OSBP2: variants seen among roughly 807,000 people sequenced by gnomAD.
OSBP2 encodes the protein oxysterol binding protein 2.
In OSBP2, 66 loss-of-function variants were observed where a neutral mutation model predicts 96.0. The observed-to-expected ratio is 0.69, with a 90% CI of 0.56 to 0.84. OSBP2 has a LOEUF of 0.84. Among genes scored for constraint, OSBP2 ranks in the 40% least tolerant of loss-of-function variants. The pLI, the probability that OSBP2 is intolerant of heterozygous loss-of-function variation, is 0.00. For missense variants in OSBP2, 1,038 were observed against 1,222.7 expected (o/e 0.85, Z 2.25); for synonymous variants, 525 against 520.9 (o/e 1.01, Z -0.11).
chr22:30,733,469 C>T (rs2089809321), intron 1 of OSBP2, among the ~76,000 whole-genome samples: 1 of 152,178 alleles, frequency 6.6e-6, no homozygotes, highest in South Asian at 2.1e-4. Flanking sequence ...CATTGTTTAA[C>T]CTGTGAGTCA....
At chr22:30,704,095 T>C (rs73154618) in intron 1 of OSBP2, among the ~76,000 whole-genome samples, 4,417 of 152,290 alleles carry the variant, frequency 0.029, 94 homozygotes, top group Non-Finnish European at 0.042. Flanking sequence ...GGGAGACTCT[T>C]CTGTGGGGTC....
intron 3 of OSBP2, among the ~76,000 whole-genome samples, chr22:30,882,529 T>C (rs1023892652): frequency 1.4e-5 from 2 of 147,376 alleles, no homozygotes; most frequent in East Asian, 4.0e-4. Flanking sequence ...AAAATCTACC[T>C]CAGTGCTTGT....
intron 1 of OSBP2, among the ~76,000 whole-genome samples, chr22:30,729,158 G>A (rs1435430554): frequency 1.3e-5 from 2 of 152,064 alleles, no homozygotes; most frequent in Admixed American, 6.6e-5. Flanking sequence ...TTTTAAATTG[G>A]TTCATTTCCT....
intron 2 of OSBP2, among the ~76,000 whole-genome samples, chr22:30,774,145 G>C (rs542326094): frequency 6.6e-6 from 1 of 152,146 alleles, no homozygotes; most frequent in Non-Finnish European, 1.5e-5. Context: ...GACTCCCCAG[G>C]GGGGCTGGGC....
chr22:30,694,335 C>T (rs1163301651), upstream of OSBP2: 9 of 1,546,024 alleles, frequency 5.8e-6, no homozygotes, highest in Non-Finnish European at 7.9e-6. Flanking sequence ...CAGGAGCGAC[C>T]CACAGACAGG....
chr22:30,766,802 G>C (rs1046068335), intron 2 of OSBP2, among the ~76,000 whole-genome samples: 1 of 152,084 alleles, frequency 6.6e-6, no homozygotes, highest in Admixed American at 6.6e-5. Flanking sequence ...CTTGGTTTTG[G>C]GAGAGAGAAA....
In OSBP2 at chr22:30,844,326, C is replaced by T. The variant is rs565151305; in HGVS notation, c.854-26103C>T. On this transcript the variant is annotated intron_variant, in intron 2 of 13. Coordinates refer to ENST00000332585, the MANE Select transcript of OSBP2 (RefSeq NM_030758.4). ...GACTTCTCCTCTGTAGCTATGAAAGCCCTAGATGACATCTTCTTCCAACAG... is the reference window on the plus strand; with the variant it reads ...GACTTCTCCTCTGTAGCTATGAAAGTCCTAGATGACATCTTCTTCCAACAG... Among the ~76,000 whole-genome samples, 165 of 152,194 alleles carry T rather than the reference C, an allele frequency of 1.1e-3. 2 individuals carry two copies. The highest frequency in any genetic ancestry group is 4.8e-3 in the Admixed American group (74 of 15,274).
rs1404911539 is a variant in OSBP2 at position 30,893,920 on chromosome 22, G to GCAGCCC, written c.2299_2304dup (p.Pro767_Ser768dup). The GCAGCCC allele has an allele frequency of 2.2e-5, 35 of 1,594,360 alleles. No homozygotes were observed. Among genetic ancestry groups the GCAGCCC allele is most frequent in the Non-Finnish European group, 2.9e-5 (34 of 1,170,642 alleles). On this transcript the variant is annotated inframe_insertion, in exon 12 of 14. Coordinates refer to ENST00000332585, the MANE Select transcript of OSBP2 (RefSeq NM_030758.4). ...TCCAAGGTCATGCATAGCAGTCCCA[G>GCAGCCC]CAGCCCCAGCTCTGACGGGAAGCAG...
At chr22:30,811,180 T>TA (rs1038698694) in intron 2 of OSBP2, among the ~76,000 whole-genome samples, 7 of 130,632 alleles carry the variant, frequency 5.4e-5, no homozygotes, top group Non-Finnish European at 9.7e-5. Context: ...CCCCCACACA[T>TA]ACATATATAA....
At chr22:30,771,111 G>T (rs2145789840) in intron 2 of OSBP2, among the ~76,000 whole-genome samples, 1 of 152,340 alleles carries the variant, frequency 6.6e-6, no homozygotes, top group African/African-American at 2.4e-5. Context: ...CTGAGACTTG[G>T]TCTCTTCCAA....
At position 30,695,190 on chromosome 22, in the gene OSBP2, C is replaced by T. The variant is rs2089004817; in HGVS notation, c.281C>T (p.Ala94Val). The T allele has an allele frequency of 6.8e-6, 11 of 1,612,446 alleles. No homozygotes were observed. In the East Asian group the frequency reaches 2.0e-4, roughly 29 times the overall value. Reference sequence around the variant, plus strand: ...ACGACGTCTGAGCCGGAGCCAGGGGCTGGGCAGCCATCGGAACTGCTGCAG... The same window carrying T: ...ACGACGTCTGAGCCGGAGCCAGGGGTTGGGCAGCCATCGGAACTGCTGCAG... ...SETTSEPEPGAGQPSELLQGS... is the reference protein window; with the variant it reads ...SETTSEPEPGVGQPSELLQGS... Residue 94 changes from alanine (A) to valine (V), a missense_variant, in exon 1 of 14, where the codon GCT becomes GTT. Coordinates refer to ENST00000332585, the MANE Select transcript of OSBP2 (RefSeq NM_030758.4).
rs1276787356 is a variant in OSBP2, at chr22:30,858,130, TGTTTGTTTGTTTGTTTG to T, written c.854-12298_854-12282del. Among the ~76,000 whole-genome samples, 6 of 139,904 alleles carry T rather than the reference TGTTTGTTTGTTTGTTTG, an allele frequency of 4.3e-5. 1 individual carries two copies. The highest frequency in any genetic ancestry group is 1.4e-4 in the African/African-American group (5 of 34,864). The allele number at this position is 139,904 out of a possible 152,430, so 91.8% of individuals were successfully genotyped here. On this transcript the variant is annotated intron_variant, in intron 2 of 13. Coordinates refer to ENST00000332585, the MANE Select transcript of OSBP2 (RefSeq NM_030758.4). ...GTTGTGATTCACTTTGTTTTTTTTT[TGTTTGTTTGTTTGTTTG>T]TTTGTTTTTTGAGACGGAGTCTCGC...
Position 30,871,510 on chromosome 22 carries a change from G to T in OSBP2, c.1107+828G>T, listed in dbSNP as rs1354675264. Among the ~76,000 whole-genome samples the T allele has an allele frequency of 6.6e-6, 1 of 152,204 alleles. No homozygotes were observed. The highest frequency in any genetic ancestry group is 2.4e-5 in the African/African-American group (1 of 41,448). ...GGGTGCAGTTGTAGGAGCTTGGGGT[G>T]GCCTGCTGGGAGTAAGGAGACCAGA... On this transcript the variant is annotated intron_variant, in intron 3 of 13. Coordinates refer to ENST00000332585, the MANE Select transcript of OSBP2 (RefSeq NM_030758.4). This position sits in a 1 kb window ranked among gnomAD's most constrained non-coding sequence, Gnocchi z 4.7.
chr22:30,810,013 T>G (rs1162406069), intron 2 of OSBP2, among the ~76,000 whole-genome samples: 1 of 151,946 alleles, frequency 6.6e-6, no homozygotes, highest in Non-Finnish European at 1.5e-5. Context: ...TGGGGACCGG[T>G]GGAATGTGGG....
At chr22:30,820,608 C>T (rs1286705906) in intron 2 of OSBP2, among the ~76,000 whole-genome samples, 2 of 152,082 alleles carry the variant, frequency 1.3e-5, no homozygotes, top group South Asian at 2.1e-4. Flanking sequence ...GTCACTTGAC[C>T]TCAGAGCCTT....
At chr22:30,885,057 C>T (rs1433429957) in intron 3 of OSBP2, among the ~76,000 whole-genome samples, 1 of 152,166 alleles carries the variant, frequency 6.6e-6, no homozygotes, top group East Asian at 1.9e-4. Context: ...TGAGGCACGT[C>T]TGTTGAGTGC....
chr22:30,895,937 A>T (rs1194834807), intron 12 of OSBP2, among the ~76,000 whole-genome samples: 1 of 151,044 alleles, frequency 6.6e-6, no homozygotes, highest in Non-Finnish European at 1.5e-5. Flanking sequence ...AAATGAAAAC[A>T]GTATTGGACA....
At chr22:30,823,605 C>T (rs150667854) in intron 2 of OSBP2, among the ~76,000 whole-genome samples, 6 of 152,358 alleles carry the variant, frequency 3.9e-5, no homozygotes, top group African/African-American at 1.4e-4. Flanking sequence ...CTTCATAAGA[C>T]CTTGGTCCAT....
chr22:30,740,759 G>T (rs1243222476), intron 1 of OSBP2, among the ~76,000 whole-genome samples: 1 of 152,188 alleles, frequency 6.6e-6, no homozygotes, highest in Non-Finnish European at 1.5e-5. Flanking sequence ...TTACAGGTGT[G>T]AGCCACCGCG....
Sources: gnomAD v4.1 joint callset for allele counts (sites outside exome capture counted in the v4.1 genomes callset) on GRCh38, gnomAD v4.1.1 for gene constraint, Gnocchi (gnomAD v3.1) non-coding constraint, MANE v1.5 for transcripts, NCBI Gene and HGNC (gene_info 2026-07-23, HGNC 2026-07-21) for gene names.